SC5D: variants seen among roughly 807,000 people sequenced by gnomAD.
SC5D encodes the protein lathosterol oxidase.
SC5D carries 21 observed loss-of-function variants against 23.9 expected under a neutral mutation model. That is an observed-to-expected ratio of 0.88 (90% CI 0.62 to 1.26). The LOEUF (loss-of-function observed/expected upper bound fraction) is 1.26. Among genes scored for constraint, SC5D ranks in the 50% most tolerant of loss-of-function variants. SC5D has a pLI of 0.00. For synonymous variants in SC5D, 113 were observed against 125.9 expected (o/e 0.90, Z 0.68); for missense variants, 309 against 364.8 (o/e 0.85, Z 1.25).
At position 121,307,298 on chromosome 11, in the gene SC5D, A is replaced by G. The variant is rs371081823; in HGVS notation, c.686A>G (p.His229Arg). 8.1e-6 allele frequency: 13 copies of G among 1,614,062 alleles called. No homozygotes were observed. Among genetic ancestry groups the G allele is most frequent in the Admixed American group, 1.7e-5 (1 of 60,006 alleles). Reference protein sequence around the residue: ...LQPFINGSAHHTDHHMFFDYN... With the variant: ...LQPFINGSAHRTDHHMFFDYN... ...CCATTTATTAATGGCTCAGCTCATC[A>G]TACAGACCACCATATGTTCTTTGAC... is the stretch of plus-strand genomic sequence containing the variant. Residue 229 changes from histidine to arginine, a missense_variant, in exon 5 of 5, where the codon CAT (histidine) becomes CGT (arginine). By Grantham distance (29) the His-to-Arg change is conservative (BLOSUM62 0). Coordinates refer to ENST00000264027, the MANE Select transcript of SC5D (RefSeq NM_006918.5).
Position 121,303,369 on chromosome 11 carries a change from C to G in SC5D, c.-7C>G, listed in dbSNP as rs767258352. 6.2e-7 allele frequency: 1 copy of G among 1,613,328 alleles called. No individual in the cohort carries two copies. The highest frequency in any genetic ancestry group is 8.5e-7 in the Non-Finnish European group (1 of 1,179,380). ...GTCACACATGCTTATTTTTTAGGGGCTAAGTGATGGATCTTGTACTCCGTG... is the reference window on the plus strand; with the variant it reads ...GTCACACATGCTTATTTTTTAGGGGGTAAGTGATGGATCTTGTACTCCGTG... On this transcript the variant is annotated 5_prime_UTR_variant, in exon 2 of 5. Coordinates refer to ENST00000264027, the MANE Select transcript of SC5D (RefSeq NM_006918.5).
In SC5D at chr11:121,310,263, A is replaced by G. The variant is rs1346439430; in HGVS notation, c.*2751A>G. Among the ~76,000 whole-genome samples the G allele has an allele frequency of 2.6e-5, 4 of 152,174 alleles. No individual in the cohort carries two copies. The South Asian group carries it at 6.2e-4, about 24-fold the overall frequency. ...TGTCACAGCATGAAAAAAGATATTC[A>G]AAGACACTAACCAACTTGAGGGGTG... On this transcript the variant is annotated 3_prime_UTR_variant, in exon 5 of 5. Transcript: ENST00000264027.
intron 1 of SC5D, 111 bp from the exon 2 acceptor site, chr11:121,303,255 C>A: frequency 1.3e-6 from 1 of 777,060 alleles, no homozygotes; most frequent in Non-Finnish European, 2.3e-6. Flanking sequence ...AGCAGATGTA[C>A]TGCATATGAC....
rs1947992621 is a variant in SC5D at position 121,309,408 on chromosome 11, G to C, written c.*1896G>C. ...AGAGAGATTTTGGGAAATGTGTCCA[G>C]CTGTGTGCCTGGGAGGAAGGGGGCA... is the stretch of plus-strand genomic sequence containing the variant. On this transcript the variant is annotated 3_prime_UTR_variant, in exon 5 of 5. Transcript: ENST00000264027. Among the ~76,000 whole-genome samples the C allele has an allele frequency of 6.6e-6, 1 of 152,172 alleles. No homozygotes were observed. Among genetic ancestry groups the C allele is most frequent in the Admixed American group, 6.5e-5 (1 of 15,280 alleles).
chr11:121,311,579 A>T lies in SC5D; in HGVS notation c.*4067A>T, dbSNP rs1468683319. Among the ~76,000 whole-genome samples, 1 of 152,226 alleles carries T rather than the reference A, an allele frequency of 6.6e-6. No individual in the cohort carries two copies. The highest frequency in any genetic ancestry group is 1.9e-4 in the East Asian group (1 of 5,202). Reference sequence around the variant, plus strand: ...ACACAGCACTCTGGGTAAAAGAAAAAAGATCCTCAAAGATATTAGTTGGTT... The same window carrying T: ...ACACAGCACTCTGGGTAAAAGAAAATAGATCCTCAAAGATATTAGTTGGTT... On this transcript the variant is annotated 3_prime_UTR_variant, in exon 5 of 5. Transcript: ENST00000264027.
chr11:121,309,328 G>T lies in SC5D; in HGVS notation c.*1816G>T, dbSNP rs1321260066. Among the ~76,000 whole-genome samples, 4 of 152,198 alleles carry T rather than the reference G, an allele frequency of 2.6e-5. No homozygotes were observed. The highest frequency in any genetic ancestry group is 9.7e-5 in the African/African-American group (4 of 41,434). ...TTTCTGGGTCAGGCCTGGAAGTGGT[G>T]CATATCTCTTCCGCCCATGTTCCTT... On this transcript the variant is annotated 3_prime_UTR_variant, in exon 5 of 5. Transcript: ENST00000264027.
intron 1 of SC5D, among the ~76,000 whole-genome samples, chr11:121,295,479 G>A (rs1947882593): frequency 6.6e-6 from 1 of 152,208 alleles, no homozygotes; most frequent in African/African-American, 2.4e-5. Context: ...GGCAGAGGAA[G>A]CAATCAGAAA....
chr11:121,307,223 G>A lies in SC5D; in HGVS notation c.611G>A (p.Trp204Ter). 1 of 1,614,096 alleles carries A rather than the reference G, an allele frequency of 6.2e-7. No homozygotes were observed. The highest frequency in any genetic ancestry group is 8.5e-7 in the Non-Finnish European group (1 of 1,180,022). The change falls in exon 5 of 5, where the codon TGG becomes TAG. Residue 204 changes from tryptophan (W) to a stop codon, truncating the protein, a stop_gained. Transcript: ENST00000264027. LOFTEE classifies it high-confidence loss of function. Reference protein sequence around the residue: ...YLSLYILVNIWTISIHDGDFR... With the variant: ...YLSLYILVNI ...AGTCTGTACATCTTGGTTAATATCT[G>A]GACAATTTCCATTCATGACGGTGAT...
chr11:121,306,721 A>G (rs1315678866), intron 4 of SC5D: 16 of 649,516 alleles, frequency 2.5e-5, no homozygotes, highest in Admixed American at 9.0e-5. Flanking sequence ...AGAGGGAACA[A>G]TAGACATTAG....
rs544956279 is a variant in SC5D at position 121,304,735 on chromosome 11, A to G, written c.343+242A>G. 8.9e-6 allele frequency: 4 copies of G among 448,764 alleles called. No individual in the cohort carries two copies. The Admixed American group carries it at 1.4e-4, about 16-fold the overall frequency. 27.8% of individuals were successfully genotyped at this position (448,764 alleles called of 1,614,324 possible). ...TCTGGCGGAAGATTGGAGTGATCAG[A>G]GATGGGTCCTTGCATTTGTTTTCTA... On this transcript the variant is annotated intron_variant, in intron 3 of 4. Transcript: ENST00000264027.
intron 1 of SC5D, among the ~76,000 whole-genome samples, chr11:121,295,858 T>C (rs1333147435): frequency 1.3e-5 from 2 of 152,144 alleles, no homozygotes; most frequent in Admixed American, 6.5e-5. Context: ...TTCTCTCTCT[T>C]TCACTTCCCA....
chr11:121,303,847 T>C (rs1268370824), intron 2 of SC5D: 1 of 382,372 alleles, frequency 2.6e-6, no homozygotes, highest in Admixed American at 4.3e-5. Flanking sequence ...ATGCTGATAT[T>C]GATGAGTAAA....
intron 1 of SC5D, among the ~76,000 whole-genome samples, chr11:121,298,057 C>T (rs1163198924): frequency 6.6e-6 from 1 of 152,184 alleles, no homozygotes; most frequent in African/African-American, 2.4e-5. Context: ...GGCTGGAGTT[C>T]AGTGGCACGA....
chr11:121,296,581 T>A (rs570894356), intron 1 of SC5D, among the ~76,000 whole-genome samples: 2 of 152,360 alleles, frequency 1.3e-5, no homozygotes, highest in African/African-American at 4.8e-5. Context: ...TCTTTTCTGA[T>A]CTCATAGAAT....
intron 2 of SC5D, chr11:121,304,073 G>A (rs1947944735): frequency 2.8e-6 from 1 of 362,796 alleles, no homozygotes. Context: ...GGGGATGGAA[G>A]TTAATTAGGA....
At chr11:121,293,204 C>G (rs1039417506) in intron 1 of SC5D, 1 of 152,260 alleles carries the variant, frequency 6.6e-6, no homozygotes, top group Non-Finnish European at 1.5e-5. Context: ...ATCGCGGGGC[C>G]GATAGGGAGG....
chr11:121,302,354 C>T (rs187767293), intron 1 of SC5D, among the ~76,000 whole-genome samples: 188 of 152,180 alleles, frequency 1.2e-3, no homozygotes, highest in African/African-American at 4.4e-3. Flanking sequence ...TTTTCTTGTG[C>T]GAACAATGCA....
intron 1 of SC5D, among the ~76,000 whole-genome samples, chr11:121,295,465 A>G (rs1015219835): frequency 6.6e-6 from 1 of 152,234 alleles, no homozygotes; most frequent in African/African-American, 2.4e-5. Context: ...TACATAAACA[A>G]TAGGGCAGAG....
chr11:121,297,231 CTT>C (rs1439339710), intron 1 of SC5D, among the ~76,000 whole-genome samples: 2 of 152,196 alleles, frequency 1.3e-5, no homozygotes, highest in Non-Finnish European at 2.9e-5. Context: ...TCGCTCAGCT[CTT>C]CTTTTAGAAA....
Sources: allele counts gnomAD v4.1 joint callset (sites outside exome capture counted in the v4.1 genomes callset), GRCh38; gene constraint gnomAD v4.1.1; transcripts MANE v1.5; gene names NCBI Gene and HGNC (gene_info 2026-07-23, HGNC 2026-07-21).